The following ADGRG7 variants were observed in gnomAD, a reference collection of about 807,000 sequenced individuals.
ADGRG7 encodes the protein adhesion G protein-coupled receptor G7.
Under a neutral mutation model 88.6 loss-of-function variants are expected in ADGRG7, and 82 were observed. The ratio of observed to expected loss-of-function variants is 0.93; its 90% CI spans 0.77 to 1.11. The LOEUF (loss-of-function observed/expected upper bound fraction) is 1.11. ADGRG7 is among the 50% of genes most tolerant of loss of function. The pLI is 0.00. For missense variants in ADGRG7, 945 were observed against 953.4 expected (o/e 0.99, Z 0.12); for synonymous variants, 381 against 345.2 (o/e 1.10, Z -1.15).
rs71132526 is a variant in ADGRG7, at chr3:100,611,338, T to TC, written c.115+1373dup. ...TTCCTTCCTTCCTTCCTCCCTTCCTTCCCCCCGTTCCTTTTTTCCTTTATG... is the reference window on the plus strand; with the variant it reads ...TTCCTTCCTTCCTTCCTCCCTTCCTTCCCCCCCGTTCCTTTTTTCCTTTATG... On this transcript the variant is annotated intron_variant, in intron 1 of 15. Transcript: ENST00000273352. Among the ~76,000 whole-genome samples the TC allele has an allele frequency of 4.7e-4, 70 of 147,600 alleles. 1 individual carries two copies. Among genetic ancestry groups the TC allele is most frequent in the East Asian group, 3.6e-3 (18 of 4,938 alleles).
At chr3:100,646,189 A>G in intron 9 of ADGRG7, 81 bp downstream of exon 9, 1 of 639,426 alleles carries the variant, frequency 1.6e-6, no homozygotes, top group Non-Finnish European at 2.5e-6. Context: ...TGAGTAGAGT[A>G]ATACAGGGGA....
At chr3:100,688,479 T>C (rs1414681727) in intron 15 of ADGRG7, among the ~76,000 whole-genome samples, 1 of 152,214 alleles carries the variant, frequency 6.6e-6, no homozygotes, top group Non-Finnish European at 1.5e-5. Context: ...AGGGTGTCCA[T>C]TTTAGATCTT....
intron 10 of ADGRG7, among the ~76,000 whole-genome samples, chr3:100,648,579 A>C (rs981805991): frequency 1.3e-5 from 2 of 152,224 alleles, no homozygotes; most frequent in Admixed American, 6.5e-5. Context: ...ATGGCAATTC[A>C]AGCATAATGC....
At chr3:100,689,476 T>A (rs543783010) in intron 15 of ADGRG7, among the ~76,000 whole-genome samples, 1 of 152,354 alleles carries the variant, frequency 6.6e-6, no homozygotes, top group African/African-American at 2.4e-5. Context: ...GCCTCGATGG[T>A]CTTTACAATT....
chr3:100,677,936 C>G (rs1484816730), intron 15 of ADGRG7, among the ~76,000 whole-genome samples: 1 of 152,006 alleles, frequency 6.6e-6, no homozygotes, highest in Non-Finnish European at 1.5e-5. Flanking sequence ...GTTCTATAAT[C>G]TTCTTGTACT....
At chr3:100,616,432 G>A (rs949543838) in intron 1 of ADGRG7, among the ~76,000 whole-genome samples, 46 of 152,056 alleles carry the variant, frequency 3.0e-4, no homozygotes, top group African/African-American at 9.9e-4. Context: ...AAGAATAGGA[G>A]AATTTGAAAA....
intron 15 of ADGRG7, among the ~76,000 whole-genome samples, chr3:100,687,306 AT>A (rs1364356974): frequency 6.6e-6 from 1 of 152,184 alleles, no homozygotes; most frequent in Admixed American, 6.5e-5. Context: ...TAGATATACA[AT>A]CATGTCATCT....
chr3:100,670,766 G>A (rs761662701), intron 15 of ADGRG7, among the ~76,000 whole-genome samples: 3 of 151,988 alleles, frequency 2.0e-5, no homozygotes, highest in Non-Finnish European at 4.4e-5. Context: ...CTGTGTCCAC[G>A]TGTTCTCATT....
At chr3:100,638,663 C>CT (rs1707587923) in intron 6 of ADGRG7, among the ~76,000 whole-genome samples, 1 of 152,116 alleles carries the variant, frequency 6.6e-6, no homozygotes, top group Non-Finnish European at 1.5e-5. Flanking sequence ...GGGATCCACC[C>CT]TTGTCTGCTT....
intron 10 of ADGRG7, among the ~76,000 whole-genome samples, chr3:100,648,335 T>C (rs553502645): frequency 4.7e-4 from 12 of 25,678 alleles, no homozygotes; most frequent in African/African-American, 5.1e-4. Context: ...AAATCGGCTC[T>C]GAGTGAAAAA....
At chr3:100,685,264 G>A (rs1033394004) in intron 15 of ADGRG7, among the ~76,000 whole-genome samples, 1 of 152,072 alleles carries the variant, frequency 6.6e-6, no homozygotes, top group South Asian at 2.1e-4. Context: ...TTAATTCTTG[G>A]CAATGACCTT....
chr3:100,623,952 G>A (rs991024884), intron 1 of ADGRG7, among the ~76,000 whole-genome samples: 3 of 152,006 alleles, frequency 2.0e-5, no homozygotes, highest in Non-Finnish European at 4.4e-5. Context: ...GTCTATCATT[G>A]ATGGACATTT....
Position 100,627,813 on chromosome 3 carries a change from C to G in ADGRG7, c.116-1785C>G, listed in dbSNP as rs115566786. On this transcript the variant is annotated intron_variant, in intron 1 of 15. Transcript: ENST00000273352. ...CTTCTGAGCCTCTTGGATCTATAAG[C>G]TGAAGTTCTTAACAAAATTTGGGAA... Among the ~76,000 whole-genome samples, 1,149 of 152,192 alleles carry G rather than the reference C, an allele frequency of 7.5e-3. 5 individuals carry two copies. Among genetic ancestry groups the G allele is most frequent in the South Asian group, 0.013 (61 of 4,814 alleles).
chr3:100,646,048 C>T lies in ADGRG7; in HGVS notation c.1050C>T (p.Ser350=). ...ATTTTAGTCAAAAAATTATCTCAAGCAAAACTGATGAAAATGAGCAAGATC... is the reference window on the plus strand; with the variant it reads ...ATTTTAGTCAAAAAATTATCTCAAGTAAAACTGATGAAAATGAGCAAGATC... ...KSDFSQKIIS[S]KTDENEQDQS... is the part of the protein sequence containing the mutation. The change falls in exon 9 of 16, where the codon AGC becomes AGT. Residue 350 remains serine, a synonymous_variant. Coordinates refer to ENST00000273352, the MANE Select transcript of ADGRG7 (RefSeq NM_032787.3). 6.2e-7 allele frequency: 1 copy of T among 1,613,942 alleles called. No individual in the cohort carries two copies. The highest frequency in any genetic ancestry group is 1.7e-5 in the Admixed American group (1 of 59,984).
chr3:100,637,950 T>C (rs926901822), intron 6 of ADGRG7, among the ~76,000 whole-genome samples: 1 of 151,868 alleles, frequency 6.6e-6, no homozygotes, highest in African/African-American at 2.4e-5. Context: ...GATGAGCAAG[T>C]GTGGGAATCA....
intron 1 of ADGRG7, among the ~76,000 whole-genome samples, chr3:100,626,291 TGCATAGA>T (rs1449030790): frequency 2.0e-5 from 3 of 152,230 alleles, no homozygotes; most frequent in African/African-American, 4.8e-5. Context: ...CTAGTTTATT[TGCATAGA>T]GTTGTTCTTC....
intron 1 of ADGRG7, among the ~76,000 whole-genome samples, chr3:100,621,301 A>G (rs1680520): frequency 0.31 from 47,296 of 152,054 alleles, 7,761 homozygotes; most frequent in Non-Finnish European, 0.34. Flanking sequence ...TAGTGAGAAA[A>G]GCATGTGAAA....
chr3:100,682,915 T>A (rs1328213838), intron 15 of ADGRG7, among the ~76,000 whole-genome samples: 1 of 152,136 alleles, frequency 6.6e-6, no homozygotes, highest in Admixed American at 6.5e-5. Context: ...AAGACCCCCC[T>A]GCCTGGGTGC....
rs552861991 is a variant in ADGRG7 at position 100,654,700 on chromosome 3, G to A, written c.1380-135G>A. 180 of 576,400 alleles carry A rather than the reference G, an allele frequency of 3.1e-4. 1 individual carries two copies. Among genetic ancestry groups the A allele is most frequent in the Non-Finnish European group, 4.6e-4 (152 of 327,966 alleles). The allele number at this position is 576,400 out of a possible 1,614,324, so 35.7% of individuals were successfully genotyped here. ...TGTAATCGAGAAGGTAGATTTACCA[G>A]CTGTCACAACTGGGCTATGAACTGA... On this transcript the variant is annotated intron_variant, in intron 11 of 15. Coordinates refer to ENST00000273352, the MANE Select transcript of ADGRG7 (RefSeq NM_032787.3).
Sources: gnomAD v4.1 joint callset for allele counts (sites outside exome capture counted in the v4.1 genomes callset) on GRCh38, gnomAD v4.1.1 for gene constraint, MANE v1.5 for transcripts, NCBI Gene and HGNC (gene_info 2026-07-23, HGNC 2026-07-21) for gene names.